The following SPAST variants were observed in gnomAD, a reference collection of about 807,000 sequenced individuals.
SPAST encodes the protein spastic paraplegia 4 (autosomal dominant; spastin).
In SPAST, 30 loss-of-function variants were observed where a neutral mutation model predicts 76.6. The observed-to-expected ratio is 0.39, with a 90% CI of 0.29 to 0.53. The LOEUF is 0.53. Ranked by LOEUF, SPAST falls within the 20% of genes least tolerant of loss-of-function variation. The probability of loss-of-function intolerance (pLI) is 0.68; values close to 1 mark genes in which losing one functional copy is unlikely to be tolerated. For synonymous variants in SPAST, 305 were observed against 281.0 expected (o/e 1.09, Z -0.86); for missense variants, 717 against 770.5 (o/e 0.93, Z 0.82).
rs775364035 is a variant in SPAST, at chr2:32,089,545, C to T, written c.526C>T (p.Arg176Cys). The change falls in exon 3 of 17, where the codon CGC becomes TGC. Residue 176 changes from arginine to cysteine, a missense_variant. Physicochemically the swap from Arg to Cys is radical, Grantham distance 180. This residue lies in a region of SPAST where 543 missense variants were observed against 445.2 expected (regional missense o/e 1.22). Coordinates refer to ENST00000315285, the MANE Select transcript of SPAST (RefSeq NM_014946.4). Reference protein sequence around the residue: ...GQGEQCERARRLQAKMMTNLV... With the variant: ...GQGEQCERARCLQAKMMTNLV... Reference sequence around the variant, plus strand: ...AGGTGAACAGTGTGAAAGAGCTAGACGCCTTCAAGCTAAAATGATGACTAA... The same window carrying T: ...AGGTGAACAGTGTGAAAGAGCTAGATGCCTTCAAGCTAAAATGATGACTAA... 1.4e-5 allele frequency: 23 copies of T among 1,599,338 alleles called. 1 individual carries two copies. The Admixed American group carries it at 2.0e-4, about 14-fold the overall frequency.
At chr2:32,107,678 A>G (rs1678377883) in intron 4 of SPAST, among the ~76,000 whole-genome samples, 2 of 152,306 alleles carry the variant, frequency 1.3e-5, no homozygotes, top group Middle Eastern at 3.4e-3. Context: ...CAAAATGCAA[A>G]AAAATGTAAA....
intron 1 of SPAST, among the ~76,000 whole-genome samples, chr2:32,068,967 T>C (rs1260727885): frequency 6.6e-6 from 1 of 151,730 alleles, no homozygotes; most frequent in African/African-American, 2.4e-5. Flanking sequence ...CCCAGCACTT[T>C]GGGAGGCAGA....
intron 1 of SPAST, among the ~76,000 whole-genome samples, chr2:32,069,551 C>CTTTTTTT (rs36023742): frequency 3.6e-5 from 5 of 139,628 alleles, no homozygotes; most frequent in Non-Finnish European, 6.2e-5. Flanking sequence ...CATGACTTAT[C>CTTTTTTT]TTTTTTTTTT....
At chr2:32,108,406 G>T (rs1212025271) in intron 4 of SPAST, among the ~76,000 whole-genome samples, 3 of 151,840 alleles carry the variant, frequency 2.0e-5, no homozygotes, top group Non-Finnish European at 4.4e-5. Context: ...AACTCTTTTT[G>T]CTATTTTTTC....
intron 9 of SPAST, among the ~76,000 whole-genome samples, chr2:32,134,613 T>C (rs1156712381): frequency 1.3e-5 from 2 of 151,804 alleles, no homozygotes; most frequent in African/African-American, 4.8e-5. Context: ...CTTCAAGTTG[T>C]TATTAAAGCA....
At chr2:32,084,197 A>G (rs1408900015) in intron 1 of SPAST, among the ~76,000 whole-genome samples, 1 of 151,744 alleles carries the variant, frequency 6.6e-6, no homozygotes, top group Non-Finnish European at 1.5e-5. Flanking sequence ...TTTGAGACAG[A>G]GTCTTGCTCT....
intron 4 of SPAST, among the ~76,000 whole-genome samples, chr2:32,105,008 G>T (rs1678264458): frequency 6.6e-6 from 1 of 152,142 alleles, no homozygotes; most frequent in African/African-American, 2.4e-5. Flanking sequence ...TGCCTTGCTA[G>T]GTTGGGGAAC....
chr2:32,083,013 C>G (rs944370566), intron 1 of SPAST, among the ~76,000 whole-genome samples: 4 of 151,578 alleles, frequency 2.6e-5, no homozygotes, highest in Non-Finnish European at 4.4e-5. Flanking sequence ...GCTCTGTTGC[C>G]CAGGCTAGAG....
chr2:32,078,844 A>C (rs1160357733), intron 1 of SPAST, among the ~76,000 whole-genome samples: 1 of 152,020 alleles, frequency 6.6e-6, no homozygotes, highest in Non-Finnish European at 1.5e-5. Context: ...TTTTCATTTC[A>C]ATATATTTGA....
chr2:32,136,700 A>G (rs1679547313), intron 10 of SPAST, 62 bp downstream of exon 10: 15 of 1,398,016 alleles, frequency 1.1e-5, no homozygotes, highest in Non-Finnish European at 1.5e-5. Context: ...TCCAAATAGG[A>G]AAGATACGAT....
At chr2:32,142,653 C>T (rs1230975817) in intron 13 of SPAST, among the ~76,000 whole-genome samples, 1 of 152,072 alleles carries the variant, frequency 6.6e-6, no homozygotes, top group Non-Finnish European at 1.5e-5. Context: ...TCCTCAGCCT[C>T]CCAAAGTGCT....
At chr2:32,107,323 C>T (rs1032271252) in intron 4 of SPAST, among the ~76,000 whole-genome samples, 2 of 152,074 alleles carry the variant, frequency 1.3e-5, no homozygotes, top group African/African-American at 4.8e-5. Flanking sequence ...ACCTCCGCAG[C>T]CTCCCCTAAC....
chr2:32,092,755 C>T (rs1340743672), intron 3 of SPAST, among the ~76,000 whole-genome samples: 1 of 152,142 alleles, frequency 6.6e-6, no homozygotes, highest in African/African-American at 2.4e-5. Context: ...CACCTATAAT[C>T]CCAGCACTTT....
chr2:32,082,007 T>C lies in SPAST; in HGVS notation c.416-5485T>C, dbSNP rs111378883. 7.1e-3 allele frequency among the ~76,000 whole-genome samples: 267 copies of C among 37,344 alleles called. 1 individual carries two copies. The highest frequency in any genetic ancestry group is 0.023 in the African/African-American group (250 of 10,762). 24.5% of individuals were successfully genotyped at this position (37,344 alleles called of 152,430 possible). On this transcript the variant is annotated intron_variant, in intron 1 of 16. Transcript: ENST00000315285. ...AAACTTTTTTTCTAGTTCTCTCTCT[T>C]TTTTTTTTTTTTTTTTTTTTTGAGA...
At chr2:32,109,041 C>T (rs887198038) in intron 4 of SPAST, among the ~76,000 whole-genome samples, 11 of 151,788 alleles carry the variant, frequency 7.2e-5, no homozygotes, top group African/African-American at 2.4e-4. Flanking sequence ...GCATTACAGG[C>T]CTGAGCCACC....
At chr2:32,099,882 A>G (rs1161276227) in intron 4 of SPAST, among the ~76,000 whole-genome samples, 1 of 152,090 alleles carries the variant, frequency 6.6e-6, no homozygotes, top group African/African-American at 2.4e-5. Flanking sequence ...CTGTGTGTAT[A>G]TATACCACAT....
At chr2:32,098,371 A>G (rs1227634958) in intron 3 of SPAST, among the ~76,000 whole-genome samples, 1 of 152,160 alleles carries the variant, frequency 6.6e-6, no homozygotes, top group African/African-American at 2.4e-5. Context: ...CTGAGGCAGA[A>G]GGATAACTTG....
chr2:32,073,491 A>T (rs769604412), intron 1 of SPAST, among the ~76,000 whole-genome samples: 11 of 151,942 alleles, frequency 7.2e-5, no homozygotes, highest in South Asian at 2.1e-4. Context: ...TCTTTTTTTT[A>T]AAAATGTTTT....
At chr2:32,146,842 ACT>A (rs1471263656) in intron 15 of SPAST, among the ~76,000 whole-genome samples, 1 of 127,338 alleles carries the variant, frequency 7.9e-6, no homozygotes, top group Non-Finnish European at 1.6e-5. Flanking sequence ...ACAGAGCAAG[ACT>A]CTGTCTCAAA....
Sources: allele counts gnomAD v4.1 joint callset (sites outside exome capture counted in the v4.1 genomes callset), GRCh38; gene constraint gnomAD v4.1.1; regional missense constraint gnomAD v4.1.1; transcripts MANE v1.5; gene names NCBI Gene and HGNC (gene_info 2026-07-23, HGNC 2026-07-21).